Variants in OTUD7A observed in about 807,000 individuals in gnomAD.
The protein encoded by OTUD7A is OTU deubiquitinase 7A, also known as OTU domain-containing protein 7A.
A neutral mutation model predicts 65.7 loss-of-function variants in OTUD7A; 12 were observed. The ratio of observed to expected loss-of-function variants is 0.18; its 90% CI spans 0.12 to 0.30. The LOEUF is 0.30. OTUD7A is among the 10% of genes least tolerant of loss of function. OTUD7A has a pLI of 1.00. For missense variants in OTUD7A, 1,148 were observed against 1,304.8 expected, an observed-to-expected ratio of 0.88 and a Z score of 1.85; for synonymous variants, 641 against 586.3, an observed-to-expected ratio of 1.09 and a Z score of -1.35.
rs532935489 is a variant in OTUD7A, at chr15:31,483,274, C to CCCGCGCCGCG, written c.*10_*19dup. 27 of 1,085,800 alleles carry CCCGCGCCGCG rather than the reference C, an allele frequency of 2.5e-5. No homozygotes were observed. The highest frequency in any genetic ancestry group is 3.0e-5 in the Non-Finnish European group (27 of 896,656). The allele number at this position is 1,085,800 out of a possible 1,614,324, so 67.3% of individuals were successfully genotyped here. A position where few individuals can be genotyped will look rare whatever the true frequency, so the allele number is the denominator to read the frequency against. On this transcript the variant is annotated 3_prime_UTR_variant, in exon 13 of 13. Coordinates refer to ENST00000307050, the MANE Select transcript of OTUD7A (RefSeq NM_001382637.1). ...AATCCTCGAAGGTAGAACCTCGCCG[C>CCCGCGCCGCG]CCGCGCCGCGCCGCGCCGCTCAGGG...
chr15:31,556,161 G>A (rs746096671), intron 5 of OTUD7A: 4 of 152,168 alleles, frequency 2.6e-5, no homozygotes, highest in Admixed American at 6.5e-5. Context: ...ATTTTTCAGC[G>A]TGAGGGACGA....
intron 1 of OTUD7A, among the ~76,000 whole-genome samples, chr15:31,838,420 A>ACATCAC (rs1408121222): frequency 1.3e-5 from 2 of 151,922 alleles, no homozygotes; most frequent in Non-Finnish European, 2.9e-5. Context: ...CCTATCCTCC[A>ACATCAC]CATCACCCTC....
intron 3 of OTUD7A, among the ~76,000 whole-genome samples, chr15:31,650,116 G>GA (rs1566960396): frequency 9.6e-6 from 1 of 104,474 alleles, no homozygotes; most frequent in East Asian, 2.4e-4. Flanking sequence ...GCCCTAGTGA[G>GA]AAATGGCAGA....
At chr15:31,485,484 G>A (rs1053257068) in intron 12 of OTUD7A, among the ~76,000 whole-genome samples, 2 of 152,132 alleles carry the variant, frequency 1.3e-5, no homozygotes, top group South Asian at 2.1e-4. Flanking sequence ...GGGTGGGGTG[G>A]GGTGACGCTG....
intron 4 of OTUD7A, among the ~76,000 whole-genome samples, chr15:31,569,297 C>G (rs1230770459): frequency 3.3e-5 from 5 of 152,048 alleles, no homozygotes. Context: ...CGACAAAAAC[C>G]CAAGCAAAAA....
chr15:31,849,097 C>T (rs1308272945), intron 1 of OTUD7A, among the ~76,000 whole-genome samples: 1 of 152,192 alleles, frequency 6.6e-6, no homozygotes, highest in African/African-American at 2.4e-5. Context: ...GTCTGATGGG[C>T]TTCCCTTTGT....
At chr15:31,633,487 G>C (rs150453188) in intron 3 of OTUD7A, among the ~76,000 whole-genome samples, 10 of 152,130 alleles carry the variant, frequency 6.6e-5, no homozygotes, top group Non-Finnish European at 1.3e-4. Flanking sequence ...CAGAAGCAGG[G>C]CTTAGTCATC....
At chr15:31,769,263 A>T (rs1350222642) in intron 1 of OTUD7A, among the ~76,000 whole-genome samples, 1 of 152,246 alleles carries the variant, frequency 6.6e-6, no homozygotes, top group Non-Finnish European at 1.5e-5. Context: ...GAACAAGGGA[A>T]ATTCCAAGGA....
At chr15:31,858,610 C>T (rs1284851909) in intron 1 of OTUD7A, among the ~76,000 whole-genome samples, 2 of 152,174 alleles carry the variant, frequency 1.3e-5, no homozygotes, top group Non-Finnish European at 2.9e-5. Flanking sequence ...ACAGATGCTG[C>T]TGCCACAGAA....
intron 12 of OTUD7A, among the ~76,000 whole-genome samples, chr15:31,486,892 CA>C (rs1355560575): frequency 6.6e-6 from 1 of 152,144 alleles, no homozygotes; most frequent in Non-Finnish European, 1.5e-5. Context: ...AATAGGGGGA[CA>C]AAAAATCCCT....
intron 1 of OTUD7A, among the ~76,000 whole-genome samples, chr15:31,736,711 G>A (rs1337880630): frequency 6.6e-6 from 1 of 151,042 alleles, no homozygotes; most frequent in African/African-American, 2.4e-5. Context: ...ATAAGTTTTG[G>A]ATAAATTTAA....
At chr15:31,556,285 A>G (rs1352436912) in intron 5 of OTUD7A, 2 of 152,186 alleles carry the variant, frequency 1.3e-5, no homozygotes, top group African/African-American at 2.4e-5. Flanking sequence ...CCACTTCCTC[A>G]AGGCCTCCTG....
rs1298608151 is a variant in OTUD7A, at chr15:31,521,028, CAG to C, written c.893+5319_893+5320del. ...TATCCTCAGTGATATAACTCAGAAA[CAG>C]AAAGTCAAATACTGCATGTTCTCAC... On this transcript the variant is annotated intron_variant, in intron 8 of 12. Transcript: ENST00000307050. Among the ~76,000 whole-genome samples the C allele has an allele frequency of 2.0e-5, 3 of 152,262 alleles. No individual in the cohort carries two copies. The East Asian group carries it at 5.8e-4, about 29-fold the overall frequency.
At chr15:31,680,709 C>A (rs373722750) in intron 1 of OTUD7A, among the ~76,000 whole-genome samples, 1 of 152,172 alleles carries the variant, frequency 6.6e-6, no homozygotes, top group South Asian at 2.1e-4. Context: ...AAATAAGATA[C>A]AAGAAATGAC....
chr15:31,730,531 C>G (rs996777560), intron 1 of OTUD7A, among the ~76,000 whole-genome samples: 5 of 152,202 alleles, frequency 3.3e-5, no homozygotes, highest in African/African-American at 1.2e-4. Flanking sequence ...TCAATTCAAA[C>G]TCAGTTCAGT....
chr15:31,514,489 C>T (rs1289324273), intron 8 of OTUD7A, among the ~76,000 whole-genome samples: 1 of 152,268 alleles, frequency 6.6e-6, no homozygotes, highest in East Asian at 1.9e-4. Context: ...TCTTTCTCTC[C>T]CTCTCAATAT....
chr15:31,766,069 TA>T (rs1205327908), intron 1 of OTUD7A: 1 of 1,488,488 alleles, frequency 6.7e-7, no homozygotes, highest in East Asian at 2.3e-5. Context: ...GGACTTTCAA[TA>T]TGTCCCCTTT....
chr15:31,647,203 G>A (rs1333306412), intron 3 of OTUD7A, among the ~76,000 whole-genome samples: 2 of 152,106 alleles, frequency 1.3e-5, no homozygotes, highest in African/African-American at 2.4e-5. Flanking sequence ...CCTTGTGGTC[G>A]AGTGTTAACT....
intron 8 of OTUD7A, among the ~76,000 whole-genome samples, chr15:31,506,840 G>A (rs1191521993): frequency 2.0e-5 from 3 of 152,178 alleles, no homozygotes. Context: ...AGCAGAGAGA[G>A]CTTGGCATGA....
Sources: gnomAD v4.1 joint callset for allele counts (sites outside exome capture counted in the v4.1 genomes callset) on GRCh38, gnomAD v4.1.1 for gene constraint, MANE v1.5 for transcripts, NCBI Gene and HGNC (gene_info 2026-07-23, HGNC 2026-07-21) for gene names.